Variants in SH3TC1 observed in about 807,000 individuals in gnomAD.
SH3TC1 encodes the protein SH3 domain and tetratricopeptide repeats 1, also known as SH3 domain and tetratricopeptide repeat-containing protein 1.
Under a neutral mutation model 117.3 loss-of-function variants are expected in SH3TC1, and 135 were observed. The observed-to-expected ratio is 1.15, with a 90% CI of 1.00 to 1.33. The LOEUF (loss-of-function observed/expected upper bound fraction) is 1.33. SH3TC1 is among the 40% of genes most tolerant of loss of function. SH3TC1 has a pLI of 0.00. For synonymous variants in SH3TC1, 898 were observed against 816.9 expected (o/e 1.10, Z -1.69); for missense variants, 2,092 against 1,794.3 (o/e 1.17, Z -3.00).
At chr4:8,199,584 C>T (rs1717694212) in intron 1 of SH3TC1, among the ~76,000 whole-genome samples, 179 bp downstream of exon 1, 1 of 152,208 alleles carries the variant, frequency 6.6e-6, no homozygotes, top group Non-Finnish European at 1.5e-5. Context: ...CTCAGCAGAC[C>T]CCACTCAGAG....
Position 8,209,738 on chromosome 4 carries a change from T to C in SH3TC1, c.173-10T>C, listed in dbSNP as rs747076681. The C allele has an allele frequency of 6.5e-5, 105 of 1,613,654 alleles. No homozygotes were observed. Among genetic ancestry groups the C allele is most frequent in the Non-Finnish European group, 8.7e-5 (103 of 1,179,984 alleles). On this transcript the variant is annotated splice_polypyrimidine_tract_variant and intron_variant, in intron 2 of 17. Coordinates refer to ENST00000245105, the MANE Select transcript of SH3TC1 (RefSeq NM_018986.5). This position sits in a 1 kb window ranked among gnomAD's most constrained non-coding sequence, Gnocchi z 5.9. ...GTCTCCCCTAATCCTGGGAACCTGC[T>C]GTGTTGCAGACGAGGCTCCTCCTGC... is the stretch of plus-strand genomic sequence containing the variant.
intron 17 of SH3TC1, 34 bp from the exon 18 acceptor site, chr4:8,240,664 C>T (rs746832238): frequency 3.1e-6 from 5 of 1,611,758 alleles, no homozygotes; most frequent in Non-Finnish European, 3.4e-6. Flanking sequence ...GGCTCCGAGT[C>T]CCCCTTTTGC....
At chr4:8,193,106 G>T (rs925922064) in intron 1 of SH3TC1, among the ~76,000 whole-genome samples, 1 of 152,222 alleles carries the variant, frequency 6.6e-6, no homozygotes, top group Non-Finnish European at 1.5e-5. Context: ...GCAGGGTTGT[G>T]ACGGACCTGA....
rs1038439677 is a variant in SH3TC1, at chr4:8,190,144, G to C, written c.-57+7934G>C. On this transcript the variant is annotated intron_variant, in intron 1 of 16. Transcript: ENST00000508641. The surrounding 1 kb of genome is among the most constrained non-coding windows in gnomAD (Gnocchi z 4.7). ...GCCTGCGATCACCAGTGTGCTCCCC[G>C]TGACATCTGGCCCAGTCCAGGTGGG... 6.6e-6 allele frequency among the ~76,000 whole-genome samples: 1 copy of C among 152,220 alleles called. No individual in the cohort carries two copies. Among genetic ancestry groups the C allele is most frequent in the African/African-American group, 2.4e-5 (1 of 41,452 alleles).
Position 8,205,283 on chromosome 4 carries a change from A to T in SH3TC1, c.89A>T (p.Asp30Val). 2 of 1,550,476 alleles carry T rather than the reference A, an allele frequency of 1.3e-6. No individual in the cohort carries two copies. The highest frequency in any genetic ancestry group is 1.7e-6 in the Non-Finnish European group (2 of 1,147,000). The change falls in exon 2 of 18, where the codon GAC becomes GTC. Residue 30 changes from aspartate to valine, a missense_variant. Physicochemically the swap from Asp to Val is radical, Grantham distance 152 (BLOSUM62 -3). Transcript: ENST00000245105. The surrounding 1 kb of genome is among the most constrained non-coding windows in gnomAD (Gnocchi z 5.4). ...VGPSGGGSTR[D>V]QVRTVVMRPS... ...CCCTCAGGAGGTGGCAGCACCCGGG[A>T]CCAGGTCCGGACTGTGGTCATGAGG...
chr4:8,219,608 T>A, intron 9 of SH3TC1, 78 bp downstream of exon 9: 1 of 1,360,160 alleles, frequency 7.4e-7, no homozygotes, highest in Non-Finnish European at 9.7e-7. Context: ...TCCACCTGGC[T>A]CCCCAGGTAA....
chr4:8,232,057 A>G lies in SH3TC1; in HGVS notation c.3032A>G (p.Glu1011Gly). The G allele has an allele frequency of 6.2e-7, 1 of 1,613,366 alleles. No individual in the cohort carries two copies. Among genetic ancestry groups the G allele is most frequent in the Non-Finnish European group, 8.5e-7 (1 of 1,179,990 alleles). The stretch of plus-strand genomic sequence containing the variant: ...GAGGCCCAGTGTGTCATCTACCATG[A>G]GCTCCAGCTCTCCCTGGCCTGCAAG... ...PSEAQCVIYH[E>G]LQLSLACKVA... Residue 1011 changes from glutamate to glycine, a missense_variant, in exon 13 of 18, where the codon GAG becomes GGG. Physicochemically the swap from Glu to Gly is moderately conservative, Grantham distance 98 (BLOSUM62 -2). Transcript: ENST00000245105.
At chr4:8,193,137 G>C (rs533692817) in intron 1 of SH3TC1, among the ~76,000 whole-genome samples, 1 of 152,180 alleles carries the variant, frequency 6.6e-6, no homozygotes, top group South Asian at 2.1e-4. Context: ...AGCCAAATAC[G>C]CATCCCCCGG....
intron 1 of SH3TC1, among the ~76,000 whole-genome samples, chr4:8,203,417 G>A (rs1433922935): frequency 2.0e-5 from 3 of 152,068 alleles, no homozygotes; most frequent in African/African-American, 7.2e-5. Flanking sequence ...ACCAGGAGGT[G>A]TGCCAGTTGG....
At chr4:8,217,793 G>A (rs1478451834) in intron 7 of SH3TC1, among the ~76,000 whole-genome samples, 1 of 152,364 alleles carries the variant, frequency 6.6e-6, no homozygotes, top group East Asian at 1.9e-4. Flanking sequence ...CTGGGAAAGA[G>A]GGATTGTCAG....
chr4:8,204,536 A>G (rs546407502), intron 1 of SH3TC1, among the ~76,000 whole-genome samples: 1 of 152,142 alleles, frequency 6.6e-6, no homozygotes. Context: ...GAGGCCCCCC[A>G]TGACCAAGCC....
At chr4:8,236,582 G>T in intron 16 of SH3TC1, 154 bp downstream of exon 16, 1 of 1,057,082 alleles carries the variant, frequency 9.5e-7, no homozygotes, top group Non-Finnish European at 1.3e-6. Flanking sequence ...GTCCGGCCGT[G>T]GGGCACAGCC....
At position 8,237,806 on chromosome 4, in the gene SH3TC1, G is replaced by A. The variant is rs182979685; in HGVS notation, c.3753+136G>A. On this transcript the variant is annotated intron_variant, in intron 17 of 17. Coordinates refer to ENST00000245105, the MANE Select transcript of SH3TC1 (RefSeq NM_018986.5). ...CTCCCTGGAGCGCTGCGCCCGGCTG[G>A]AGGAGCTGGCAAGGTTAGCAGACAC... The A allele has an allele frequency of 2.0e-4, 200 of 983,584 alleles. No homozygotes were observed. The African/African-American group carries it at 2.8e-3, about 14-fold the overall frequency. The allele number at this position is 983,584 out of a possible 1,614,324, so 60.9% of individuals were successfully genotyped here. A position where few individuals can be genotyped will look rare whatever the true frequency, so the allele number is the denominator to read the frequency against.
chr4:8,182,331 T>A, intron 1 of SH3TC1: 1 of 152,338 alleles, frequency 6.6e-6, no homozygotes, highest in Middle Eastern at 3.4e-3. Context: ...AGGGTTTTCA[T>A]GGGGAGGGTG....
At chr4:8,216,832 C>A in intron 6 of SH3TC1, 125 bp from the exon 7 acceptor site, 1 of 951,652 alleles carries the variant, frequency 1.1e-6, no homozygotes. Context: ...TCTGTGCCTG[C>A]AGACACTGGG....
At chr4:8,216,449 G>A (rs890139218) in intron 6 of SH3TC1, among the ~76,000 whole-genome samples, 192 bp downstream of exon 6, 3 of 152,174 alleles carry the variant, frequency 2.0e-5, no homozygotes, top group African/African-American at 7.2e-5. Context: ...AGAGACCCTG[G>A]CCAGCCCCCA....
At chr4:8,230,783 C>CTTTTTT (rs59242411) in intron 12 of SH3TC1, among the ~76,000 whole-genome samples, 1 of 134,168 alleles carries the variant, frequency 7.5e-6, no homozygotes, top group Non-Finnish European at 1.6e-5. Context: ...ATATGCTGTG[C>CTTTTTT]TTTTTTTTTT....
Position 8,209,529 on chromosome 4 carries a change from G to A in SH3TC1, c.173-219G>A. ...ACGAGTCGTGTGGTCTTAAGCCTCT[G>A]AGTGTGGGGCAGCTTGTCACAGCAT... On this transcript the variant is annotated intron_variant, in intron 2 of 17. Transcript: ENST00000245105. This position sits in a 1 kb window ranked among gnomAD's most constrained non-coding sequence, Gnocchi z 5.9. 1 of 992,060 alleles carries A rather than the reference G, an allele frequency of 1.0e-6. No individual in the cohort carries two copies. The highest frequency in any genetic ancestry group is 1.5e-6 in the Non-Finnish European group (1 of 669,820). 61.5% of individuals were successfully genotyped at this position (992,060 alleles called of 1,614,324 possible). A position where few individuals can be genotyped will look rare whatever the true frequency, so the allele number is the denominator to read the frequency against.
chr4:8,213,723 C>T (rs1718954936), intron 4 of SH3TC1, among the ~76,000 whole-genome samples: 1 of 152,016 alleles, frequency 6.6e-6, no homozygotes. Flanking sequence ...CATAGGGAGA[C>T]CTCGTCTCTA....
Sources: allele counts gnomAD v4.1 joint callset (sites outside exome capture counted in the v4.1 genomes callset), GRCh38; gene constraint gnomAD v4.1.1; non-coding constraint Gnocchi (gnomAD v3.1); transcripts MANE v1.5; gene names NCBI Gene and HGNC (gene_info 2026-07-23, HGNC 2026-07-21).